ZNF503: variants seen among roughly 807,000 people sequenced by gnomAD.
ZNF503 encodes the protein zinc finger protein 503.
ZNF503 carries 15 observed loss-of-function variants against 34.4 expected under a neutral mutation model. The ratio of observed to expected loss-of-function variants is 0.44; its 90% CI spans 0.29 to 0.67. The LOEUF (loss-of-function observed/expected upper bound fraction) is 0.67, where lower values mean the gene tolerates loss of function less well. ZNF503 is among the 30% of genes least tolerant of loss of function. ZNF503 has a pLI of 0.13. For synonymous variants in ZNF503, 580 were observed against 456.8 expected, an observed-to-expected ratio of 1.27 and a Z score of -3.44; for missense variants, 1,007 against 926.8, an observed-to-expected ratio of 1.09 and a Z score of -1.12.
At chr10:75,330,808 G>A in the ZNF503 span, among the ~76,000 whole-genome samples, 4 of 151,338 alleles carry the variant, frequency 2.6e-5, no homozygotes, top group Admixed American at 6.6e-5. Context: ...TTTTCATTTT[G>A]TTAATATATT....
At chr10:75,304,539 C>T in the ZNF503 span, among the ~76,000 whole-genome samples, 1 of 152,120 alleles carries the variant, frequency 6.6e-6, no homozygotes. Context: ...TCAATATGTC[C>T]ACCAGTTGGG....
At chr10:75,360,991 CA>C in the ZNF503 span, 1 of 152,162 alleles carries the variant, frequency 6.6e-6, no homozygotes, top group African/African-American at 2.4e-5. Context: ...CACAAAAAAC[CA>C]AGAGCTGCTC....
chr10:75,294,719 G>T, the ZNF503 span, among the ~76,000 whole-genome samples: 2 of 150,088 alleles, frequency 1.3e-5, no homozygotes, highest in Non-Finnish European at 2.9e-5. Flanking sequence ...AGAGAGAGGA[G>T]GGGTGGGGAA....
the ZNF503 span, among the ~76,000 whole-genome samples, chr10:75,326,812 A>T: frequency 6.6e-6 from 1 of 152,082 alleles, no homozygotes; most frequent in South Asian, 2.1e-4. Flanking sequence ...CTGGGATTAC[A>T]GGCTCATGCC....
the ZNF503 span, among the ~76,000 whole-genome samples, chr10:75,389,952 G>A: frequency 6.6e-6 from 1 of 152,086 alleles, no homozygotes; most frequent in African/African-American, 2.4e-5. Flanking sequence ...GGGAGCAGTG[G>A]TGCGATCTGC....
the ZNF503 span, among the ~76,000 whole-genome samples, chr10:75,388,158 C>T: frequency 0.011 from 1,748 of 152,306 alleles, 12 homozygotes; most frequent in Non-Finnish European, 0.018. Context: ...TGGCAGGGGG[C>T]GGCCACTGAT....
At chr10:75,302,669 C>T in the ZNF503 span, among the ~76,000 whole-genome samples, 1 of 152,196 alleles carries the variant, frequency 6.6e-6, no homozygotes, top group Non-Finnish European at 1.5e-5. Context: ...TTAAAACTTC[C>T]TGATAAATCC....
chr10:75,384,486 A>C, the ZNF503 span, among the ~76,000 whole-genome samples: 1 of 152,032 alleles, frequency 6.6e-6, no homozygotes, highest in Non-Finnish European at 1.5e-5. Context: ...GCAGGCCCCC[A>C]CAGATAGCCC....
the ZNF503 span, among the ~76,000 whole-genome samples, chr10:75,354,321 C>A: frequency 5.9e-5 from 9 of 152,238 alleles, no homozygotes; most frequent in East Asian, 1.7e-3. Context: ...TGCCAATAAA[C>A]GTGAAAATTT....
At chr10:75,339,235 A>T in the ZNF503 span, among the ~76,000 whole-genome samples, 1 of 152,198 alleles carries the variant, frequency 6.6e-6, no homozygotes, top group African/African-American at 2.4e-5. Flanking sequence ...CGTCTCAAAA[A>T]AAAAGAAAGA....
In ZNF503 at chr10:75,401,585, G is replaced by T; in HGVS notation, c.-166C>A. 2 of 794,242 alleles carry T rather than the reference G, an allele frequency of 2.5e-6. No homozygotes were observed. The highest frequency in any genetic ancestry group is 4.0e-6 in the Non-Finnish European group (2 of 504,704). The allele number at this position is 794,242 out of a possible 1,614,324, so 49.2% of individuals were successfully genotyped here. A position where few individuals can be genotyped will look rare whatever the true frequency, so the allele number is the denominator to read the frequency against. On this transcript the variant is annotated 5_prime_UTR_variant, in exon 1 of 2. Coordinates refer to ENST00000372524, the MANE Select transcript of ZNF503 (RefSeq NM_032772.6). ...CTTCTCGGCGCCTGGAGCCAGACGC[G>T]AGTAATCCTGGGTGGCCCGCAGCGG... is the stretch of plus-strand genomic sequence containing the variant.
At chr10:75,299,728 A>G in the ZNF503 span, among the ~76,000 whole-genome samples, 1 of 152,222 alleles carries the variant, frequency 6.6e-6, no homozygotes, top group Admixed American at 6.5e-5. Flanking sequence ...TGGGGGAGAC[A>G]TCACATGTCG....
At chr10:75,395,680 G>A (rs1315933363), downstream of ZNF503, among the ~76,000 whole-genome samples, 4 of 152,096 alleles carry the variant, frequency 2.6e-5, no homozygotes, top group African/African-American at 7.2e-5. The surrounding 1 kb of genome is among the most constrained non-coding windows in gnomAD (Gnocchi z 4.4). Context: ...TTCACTTACC[G>A]CGCGCCCGGG....
the ZNF503 span, among the ~76,000 whole-genome samples, chr10:75,387,518 A>G: frequency 1.3e-5 from 2 of 152,240 alleles, no homozygotes; most frequent in Non-Finnish European, 2.9e-5. Flanking sequence ...TAAAGTGCTC[A>G]CTAAATGGTA....
chr10:75,287,935 G>T, the ZNF503 span, among the ~76,000 whole-genome samples: 8 of 152,302 alleles, frequency 5.3e-5, no homozygotes, highest in South Asian at 2.1e-4. Flanking sequence ...GGGTCAGTCT[G>T]CCGGGGCCCC....
the ZNF503 span, among the ~76,000 whole-genome samples, chr10:75,344,108 C>A: frequency 1.3e-5 from 2 of 152,206 alleles, no homozygotes; most frequent in African/African-American, 2.4e-5. Flanking sequence ...CATTAATCAC[C>A]GAAGGAGAAA....
chr10:75,379,174 A>C, the ZNF503 span, among the ~76,000 whole-genome samples: 1 of 152,186 alleles, frequency 6.6e-6, no homozygotes, highest in African/African-American at 2.4e-5. Context: ...TATGTAAATC[A>C]ATAAAAAAAT....
At chr10:75,341,523 C>A in the ZNF503 span, among the ~76,000 whole-genome samples, 2 of 152,078 alleles carry the variant, frequency 1.3e-5, no homozygotes, top group Admixed American at 1.3e-4. Flanking sequence ...TTAAAAGAGA[C>A]TTTAATTACT....
chr10:75,400,450 G>A, intron 1 of ZNF503, 76 bp from the exon 2 acceptor site: 2 of 1,480,948 alleles, frequency 1.4e-6, no homozygotes, highest in South Asian at 2.8e-5. Context: ...TGGCTTCTGG[G>A]GTTCAAATGC....
Sources: gnomAD v4.1 joint callset for allele counts (sites outside exome capture counted in the v4.1 genomes callset) on GRCh38, gnomAD v4.1.1 for gene constraint, Gnocchi (gnomAD v3.1) non-coding constraint, MANE v1.5 for transcripts, NCBI Gene and HGNC (gene_info 2026-07-23, HGNC 2026-07-21) for gene names.